Variants in PKP4 observed in about 807,000 individuals in gnomAD.
PKP4 encodes plakophilin-4.
Under a neutral mutation model 145.1 loss-of-function variants are expected in PKP4, and 90 were observed. The observed-to-expected ratio is 0.62, with a 90% CI of 0.52 to 0.74. The LOEUF (loss-of-function observed/expected upper bound fraction) is 0.74. Among genes scored for constraint, PKP4 ranks in the 30% least tolerant of loss-of-function variants. The probability of loss-of-function intolerance (pLI) is 0.00; values close to 1 mark genes in which losing one functional copy is unlikely to be tolerated. For missense variants in PKP4, 1,340 were observed against 1,482.7 expected (o/e 0.90, Z 1.58); for synonymous variants, 563 against 577.2 (o/e 0.98, Z 0.35).
chr2:158,459,945 C>T lies in PKP4; in HGVS notation c.-6+2727C>T, dbSNP rs138450822. On this transcript the variant is annotated intron_variant, in intron 1 of 21. Transcript: ENST00000389759. ...AAGTTTTTCAACTAGTGATCCTACA[C>T]AATTGAAAATAACCGAAATTGTATT... is the stretch of plus-strand genomic sequence containing the variant. 8.8e-3 allele frequency among the ~76,000 whole-genome samples: 1,342 copies of T among 152,216 alleles called. 20 individuals are homozygous for T. The highest frequency in any genetic ancestry group is 0.03 in the African/African-American group (1,233 of 41,492).
At chr2:158,607,441 T>C (rs950945330) in intron 4 of PKP4, among the ~76,000 whole-genome samples, 6 of 152,078 alleles carry the variant, frequency 3.9e-5, no homozygotes, top group African/African-American at 9.7e-5. Flanking sequence ...TTGGAAGATA[T>C]GAGTGATTAA....
intron 19 of PKP4, 50 bp from the exon 20 acceptor site, chr2:158,676,689 T>A: frequency 6.2e-7 from 1 of 1,610,244 alleles, no homozygotes; most frequent in Non-Finnish European, 8.5e-7. Flanking sequence ...ATACTGATGC[T>A]GATTTCTCTT....
chr2:158,468,217 T>C (rs999601799), intron 1 of PKP4, among the ~76,000 whole-genome samples: 1 of 152,230 alleles, frequency 6.6e-6, no homozygotes, highest in Non-Finnish European at 1.5e-5. Flanking sequence ...ACCTCAGTAA[T>C]CCAGCCATCT....
At chr2:158,533,847 A>AT (rs552129333) in intron 2 of PKP4, among the ~76,000 whole-genome samples, 72 of 152,200 alleles carry the variant, frequency 4.7e-4, no homozygotes, top group African/African-American at 1.7e-3. Context: ...GTTTATGTTG[A>AT]TTTTTTTAAG....
At chr2:158,540,402 C>T (rs868752309) in intron 2 of PKP4, among the ~76,000 whole-genome samples, 2 of 152,092 alleles carry the variant, frequency 1.3e-5, no homozygotes, top group South Asian at 2.1e-4. Flanking sequence ...ACAGTGCCTC[C>T]ATACTTAGAT....
intron 1 of PKP4, 71 bp from the exon 2 acceptor site, chr2:158,533,109 C>A: frequency 1.4e-6 from 2 of 1,449,836 alleles, no homozygotes; most frequent in South Asian, 2.8e-5. Context: ...TGCTAGGAAC[C>A]ATCTGTAAAG....
In PKP4 at chr2:158,595,128, G is replaced by A. The variant is rs1859738; in HGVS notation, c.246-7942G>A. Among the ~76,000 whole-genome samples the A allele has an allele frequency of 6.9e-3, 1,058 of 152,240 alleles. 17 individuals are homozygous for A. Among genetic ancestry groups the A allele is most frequent in the African/African-American group, 0.024 (1,010 of 41,536 alleles). On this transcript the variant is annotated intron_variant, in intron 3 of 21. Coordinates refer to ENST00000389759, the MANE Select transcript of PKP4 (RefSeq NM_003628.6). ...TCTAGTGTAAAGAATTTATTTCCCG[G>A]GCAATCCTTACCTGACTAAGAGCAA...
intron 1 of PKP4, among the ~76,000 whole-genome samples, chr2:158,466,126 C>G (rs538754295): frequency 1.3e-5 from 2 of 152,284 alleles, no homozygotes; most frequent in South Asian, 4.1e-4. Context: ...GGGACTTTAT[C>G]TTTCTACAGG....
rs536368592 is a variant in PKP4 at position 158,529,206 on chromosome 2, A to C, written c.-5-3974A>C. ...GCTCCAACCTTTAATTTTGATTCCA[A>C]ATATAAAGACAGTAATAATACAGGT... On this transcript the variant is annotated intron_variant, in intron 1 of 21. Transcript: ENST00000389759. Among the ~76,000 whole-genome samples, 3 of 152,306 alleles carry C rather than the reference A, an allele frequency of 2.0e-5. No individual in the cohort carries two copies. The South Asian group carries it at 6.2e-4, about 32-fold the overall frequency.
At chr2:158,540,171 A>G (rs191256609) in intron 2 of PKP4, among the ~76,000 whole-genome samples, 91 of 152,304 alleles carry the variant, frequency 6.0e-4, no homozygotes, top group East Asian at 7.7e-4. Flanking sequence ...GTCCTCAACT[A>G]TATATTCAGA....
intron 2 of PKP4, among the ~76,000 whole-genome samples, chr2:158,575,549 T>C (rs984213343): frequency 2.6e-5 from 4 of 152,180 alleles, no homozygotes; most frequent in Non-Finnish European, 5.9e-5. Context: ...GCAATGTATC[T>C]TCATACCATA....
rs557174938 is a variant in PKP4, at chr2:158,474,942, AT to A, written c.-6+17729del. Reference sequence around the variant, plus strand: ...TTCAACATTTAGCAATTTGCTAAACATTTTTAACTCAGTTCTTTTTACTAGT... The same window carrying A: ...TTCAACATTTAGCAATTTGCTAAACATTTTAACTCAGTTCTTTTTACTAGT... On this transcript the variant is annotated intron_variant, in intron 1 of 21. Transcript: ENST00000389759. Among the ~76,000 whole-genome samples, 761 of 152,310 alleles carry A rather than the reference AT, an allele frequency of 5.0e-3. 7 individuals carry two copies. Among genetic ancestry groups the A allele is most frequent in the Non-Finnish European group, 5.2e-3 (356 of 68,020 alleles).
chr2:158,500,212 C>T (rs1003082365), intron 1 of PKP4, among the ~76,000 whole-genome samples: 1 of 152,172 alleles, frequency 6.6e-6, no homozygotes, highest in Non-Finnish European at 1.5e-5. Flanking sequence ...GTCCTAACCA[C>T]AGTGCATCAC....
At chr2:158,481,874 C>A (rs1344988011) in intron 1 of PKP4, among the ~76,000 whole-genome samples, 1 of 152,180 alleles carries the variant, frequency 6.6e-6, no homozygotes, top group African/African-American at 2.4e-5. Flanking sequence ...CTGGTTTATA[C>A]AGGTGAACAG....
chr2:158,558,420 A>G (rs570447280), intron 2 of PKP4, among the ~76,000 whole-genome samples: 1 of 152,270 alleles, frequency 6.6e-6, no homozygotes, highest in South Asian at 2.1e-4. Context: ...AGGGTGGGCA[A>G]AAAATAGAAG....
chr2:158,494,026 C>CAT (rs1695326215), intron 1 of PKP4, among the ~76,000 whole-genome samples: 1 of 152,142 alleles, frequency 6.6e-6, no homozygotes, highest in South Asian at 2.1e-4. Context: ...TCAGTCTTAT[C>CAT]AGGAGGGAGG....
intron 2 of PKP4, among the ~76,000 whole-genome samples, chr2:158,573,269 C>T (rs2047560549): frequency 6.6e-6 from 1 of 152,118 alleles, no homozygotes; most frequent in Admixed American, 6.5e-5. Context: ...TACAATATAC[C>T]AATTGCATAA....
chr2:158,519,532 G>A (rs985409077), intron 1 of PKP4, among the ~76,000 whole-genome samples: 29 of 152,124 alleles, frequency 1.9e-4, no homozygotes, highest in Admixed American at 1.8e-3. Flanking sequence ...AGGCCTGAGA[G>A]CCTCAAGTCT....
intron 4 of PKP4, among the ~76,000 whole-genome samples, chr2:158,607,534 G>C (rs1194047703): frequency 6.6e-6 from 1 of 152,154 alleles, no homozygotes; most frequent in Non-Finnish European, 1.5e-5. Flanking sequence ...GGGGTAGGTA[G>C]ATGGTTTTGT....
Sources: allele counts gnomAD v4.1 joint callset (sites outside exome capture counted in the v4.1 genomes callset), GRCh38; gene constraint gnomAD v4.1.1; transcripts MANE v1.5; gene names NCBI Gene and HGNC (gene_info 2026-07-23, HGNC 2026-07-21).